Variants in TENM3 observed in about 807,000 individuals in gnomAD.
The protein encoded by TENM3 is teneurin transmembrane protein 3, also known as teneurin-3.
TENM3 carries 63 observed loss-of-function variants against 255.1 expected under a neutral mutation model. The ratio of observed to expected loss-of-function variants is 0.25; its 90% CI spans 0.20 to 0.30. TENM3 has a LOEUF of 0.30. Ranked by LOEUF, TENM3 falls within the 10% of genes least tolerant of loss-of-function variation. The pLI, the probability that TENM3 is intolerant of heterozygous loss-of-function variation, is 1.00. For missense variants in TENM3, 2,929 were observed against 3,461.1 expected, an observed-to-expected ratio of 0.85 and a Z score of 3.86; for synonymous variants, 1,306 against 1,322.3, an observed-to-expected ratio of 0.99 and a Z score of 0.27.
the TENM3 span, among the ~76,000 whole-genome samples, chr4:181,501,471 C>T: frequency 9.9e-4 from 150 of 151,968 alleles, no homozygotes; most frequent in Middle Eastern, 6.8e-3. Context: ...CTCCGCCTCC[C>T]GGGTTCAACT....
chr4:182,228,382 G>GTATA (rs1756333811), intron 1 of TENM3, among the ~76,000 whole-genome samples: 1 of 94,524 alleles, frequency 1.1e-5, no homozygotes, highest in African/African-American at 4.4e-5. Flanking sequence ...GTGTGTGTGT[G>GTATA]TGTGTGTGTG....
the TENM3 span, among the ~76,000 whole-genome samples, chr4:181,481,126 G>A: frequency 0.37 from 55,397 of 151,258 alleles, 10,646 homozygotes; most frequent in African/African-American, 0.49. Flanking sequence ...AGTTTTATAA[G>A]AAAAAAACCT....
chr4:181,926,109 T>C, the TENM3 span, among the ~76,000 whole-genome samples: 2 of 152,152 alleles, frequency 1.3e-5, no homozygotes, highest in African/African-American at 4.8e-5. Flanking sequence ...ACCTATACAG[T>C]GTGTTTTGAA....
intron 1 of TENM3, among the ~76,000 whole-genome samples, chr4:182,176,826 T>A (rs919132316): frequency 0.017 from 2,445 of 142,974 alleles, 148 homozygotes; most frequent in African/African-American, 0.061. Context: ...GGCTAATTTT[T>A]TTTTTTTTTT....
chr4:181,847,276 A>G, the TENM3 span, among the ~76,000 whole-genome samples: 4 of 152,266 alleles, frequency 2.6e-5, no homozygotes, highest in African/African-American at 9.6e-5. Context: ...TTCACTGGTT[A>G]AATTTGGAAA....
At chr4:181,968,613 A>C in the TENM3 span, among the ~76,000 whole-genome samples, 1 of 152,234 alleles carries the variant, frequency 6.6e-6, no homozygotes, top group Non-Finnish European at 1.5e-5. Flanking sequence ...AAAATGTTTT[A>C]AATGAAAAGA....
the TENM3 span, among the ~76,000 whole-genome samples, chr4:181,781,303 A>G: frequency 1.2e-4 from 18 of 152,094 alleles, no homozygotes; most frequent in Admixed American, 4.6e-4. Context: ...TTCGTTGAGC[A>G]GTGGTTTGTA....
At chr4:181,490,499 A>G in the TENM3 span, among the ~76,000 whole-genome samples, 1 of 152,194 alleles carries the variant, frequency 6.6e-6, no homozygotes, top group Non-Finnish European at 1.5e-5. Context: ...AAAATCAGTT[A>G]ATACAATAAA....
the TENM3 span, chr4:181,877,107 C>T: frequency 2.0e-5 from 3 of 151,966 alleles, no homozygotes; most frequent in African/African-American, 7.2e-5. Flanking sequence ...GTCTTGCCTT[C>T]CAGGAGTTTG....
the TENM3 span, among the ~76,000 whole-genome samples, chr4:181,552,755 C>A: frequency 2.4e-3 from 365 of 152,248 alleles, 1 homozygote; most frequent in African/African-American, 8.4e-3. Context: ...TAGTAGGAGT[C>A]GGAGAGCAAA....
At chr4:182,238,876 T>C (rs1245339395), upstream of TENM3, among the ~76,000 whole-genome samples, 1 of 152,146 alleles carries the variant, frequency 6.6e-6, no homozygotes, top group Non-Finnish European at 1.5e-5. Context: ...TCATTCATAC[T>C]AACATCTGAG....
chr4:182,228,892 C>CG, intron 1 of TENM3, among the ~76,000 whole-genome samples: 1 of 152,096 alleles, frequency 6.6e-6, no homozygotes. Context: ...CACAAAGGTA[C>CG]TGACATCTTT....
rs577967870 is a variant in TENM3, at chr4:182,610,053, GA to G, written c.749+8893del. ...AGCTTTTTACCTTTGCAGATTTTTT[GA>G]CAGTAAGAATAATCACTAAATCCTC... On this transcript the variant is annotated intron_variant, in intron 4 of 27. Coordinates refer to ENST00000511685, the MANE Select transcript of TENM3 (RefSeq NM_001080477.4). Among the ~76,000 whole-genome samples the G allele has an allele frequency of 2.3e-3, 348 of 152,222 alleles. 2 individuals carry two copies. Among genetic ancestry groups the G allele is most frequent in the African/African-American group, 8.0e-3 (332 of 41,536 alleles).
the TENM3 span, among the ~76,000 whole-genome samples, chr4:181,454,903 T>G: frequency 6.6e-6 from 1 of 151,886 alleles, no homozygotes; most frequent in Admixed American, 6.6e-5. Context: ...TTAAGTACAC[T>G]GTATGAAGTT....
At chr4:182,200,976 C>A (rs1191687073) in intron 1 of TENM3, among the ~76,000 whole-genome samples, 1 of 152,046 alleles carries the variant, frequency 6.6e-6, no homozygotes, top group Admixed American at 6.6e-5. Flanking sequence ...AGGCATACAC[C>A]ACCACGCCCA....
chr4:181,865,080 A>C, the TENM3 span, among the ~76,000 whole-genome samples: 1 of 152,178 alleles, frequency 6.6e-6, no homozygotes, highest in African/African-American at 2.4e-5. Context: ...ATACTACTGG[A>C]GTTGACTTAC....
chr4:181,868,716 A>G, the TENM3 span, among the ~76,000 whole-genome samples: 1 of 152,204 alleles, frequency 6.6e-6, no homozygotes, highest in East Asian at 1.9e-4. Flanking sequence ...AAGATTTTGC[A>G]TGGTTTCTCA....
chr4:182,577,784 C>T (rs1745080016), intron 3 of TENM3, among the ~76,000 whole-genome samples: 1 of 152,120 alleles, frequency 6.6e-6, no homozygotes, highest in Non-Finnish European at 1.5e-5. Flanking sequence ...TATTAACTAT[C>T]TTTATGATTC....
chr4:182,387,682 G>A (rs976088519), intron 3 of TENM3, among the ~76,000 whole-genome samples: 3 of 151,948 alleles, frequency 2.0e-5, no homozygotes, highest in African/African-American at 2.4e-5. Flanking sequence ...AACTCCAGAC[G>A]CGCTGCCTTA....
Sources: gnomAD v4.1 joint callset for allele counts (sites outside exome capture counted in the v4.1 genomes callset) on GRCh38, gnomAD v4.1.1 for gene constraint, MANE v1.5 for transcripts, NCBI Gene and HGNC (gene_info 2026-07-23, HGNC 2026-07-21) for gene names.